Variants in NYAP2 observed in about 807,000 individuals in gnomAD.
NYAP2 encodes neuronal tyrosine-phosphorylated phosphoinositide-3-kinase adaptor 2.
Under a neutral mutation model 50.4 loss-of-function variants are expected in NYAP2, and 23 were observed. That is an observed-to-expected ratio of 0.46 (90% confidence interval 0.33 to 0.65). The LOEUF (loss-of-function observed/expected upper bound fraction) is 0.65, where lower values mean the gene tolerates loss of function less well. Among genes scored for constraint, NYAP2 ranks in the 30% least tolerant of loss-of-function variants. The pLI, the probability that NYAP2 is intolerant of heterozygous loss-of-function variation, is 0.02. For missense variants in NYAP2, 885 were observed against 861.0 expected (o/e 1.03, Z -0.35); for synonymous variants, 394 against 365.2 (o/e 1.08, Z -0.90).
At chr2:225,650,142 G>A (rs1693705728) in intron 6 of NYAP2, among the ~76,000 whole-genome samples, 1 of 152,172 alleles carries the variant, frequency 6.6e-6, no homozygotes, top group Non-Finnish European at 1.5e-5. Flanking sequence ...CTCATTCTGT[G>A]TGTCTGCATG....
intron 3 of NYAP2, among the ~76,000 whole-genome samples, chr2:225,430,667 A>G (rs73099742): frequency 0.012 from 1,769 of 152,352 alleles, 41 homozygotes; most frequent in African/African-American, 0.041. Flanking sequence ...TTATTAATCA[A>G]TACATCAGGG....
At chr2:225,679,966 T>C in the NYAP2 span, among the ~76,000 whole-genome samples, 3 of 152,146 alleles carry the variant, frequency 2.0e-5, no homozygotes, top group South Asian at 2.1e-4. Flanking sequence ...TTGTAATATA[T>C]AGTCATAAAT....
At position 225,471,148 on chromosome 2, in the gene NYAP2, T is replaced by A. The variant is rs150038433; in HGVS notation, c.222-42223T>A. 1.3e-3 allele frequency among the ~76,000 whole-genome samples: 204 copies of A among 152,320 alleles called. 1 individual carries two copies. The highest frequency in any genetic ancestry group is 4.7e-3 in the African/African-American group (195 of 41,578). ...CAGATGCTAGCCACTTTGCAACAAA[T>A]GTCTGCCAGATACCATGTCTGCATT... is the stretch of plus-strand genomic sequence containing the variant. On this transcript the variant is annotated intron_variant, in intron 3 of 6. Transcript: ENST00000636099.
intron 3 of NYAP2, among the ~76,000 whole-genome samples, chr2:225,409,635 C>T (rs1695000028): frequency 6.6e-6 from 1 of 152,060 alleles, no homozygotes; most frequent in African/African-American, 2.4e-5. Flanking sequence ...CCAAGTGCCA[C>T]AAGTTTGTTC....
intron 3 of NYAP2, among the ~76,000 whole-genome samples, chr2:225,444,432 T>C (rs1194792556): frequency 6.6e-6 from 1 of 152,190 alleles, no homozygotes; most frequent in Non-Finnish European, 1.5e-5. Flanking sequence ...AAAAGTTAAA[T>C]CTTCCCATAA....
the NYAP2 span, among the ~76,000 whole-genome samples, chr2:225,682,042 T>C: frequency 9.2e-5 from 14 of 152,202 alleles, no homozygotes; most frequent in African/African-American, 2.9e-4. Context: ...CTAGTCCTTA[T>C]TGTACTTTGA....
chr2:225,620,464 C>T (rs1052085497), intron 5 of NYAP2, among the ~76,000 whole-genome samples: 30 of 149,436 alleles, frequency 2.0e-4, no homozygotes, highest in African/African-American at 7.1e-4. Context: ...CACACACGCG[C>T]ATGCACACGC....
intron 4 of NYAP2, among the ~76,000 whole-genome samples, chr2:225,549,730 T>A (rs1691639643): frequency 6.6e-6 from 1 of 152,030 alleles, no homozygotes. Flanking sequence ...GCCTGTAATC[T>A]CAGCACTTTG....
chr2:225,666,286 G>A, the NYAP2 span, among the ~76,000 whole-genome samples: 2 of 152,120 alleles, frequency 1.3e-5, no homozygotes, highest in Non-Finnish European at 2.9e-5. Flanking sequence ...ACATTTTGCA[G>A]TCATCAACAT....
chr2:225,474,091 G>C (rs954985514), intron 3 of NYAP2, among the ~76,000 whole-genome samples: 115 of 152,158 alleles, frequency 7.6e-4, no homozygotes, highest in Non-Finnish European at 3.4e-4. Flanking sequence ...TCTTGTTTTT[G>C]TCAGGTTTGT....
At chr2:225,520,814 T>G (rs1691039894) in intron 4 of NYAP2, among the ~76,000 whole-genome samples, 1 of 152,160 alleles carries the variant, frequency 6.6e-6, no homozygotes, top group African/African-American at 2.4e-5. Context: ...GTGAAGAAAG[T>G]CATTGGTAGC....
chr2:225,671,979 G>A, the NYAP2 span, among the ~76,000 whole-genome samples: 1 of 151,948 alleles, frequency 6.6e-6, no homozygotes, highest in African/African-American at 2.4e-5. Context: ...CAGATGTACT[G>A]GCATCCACAC....
intron 4 of NYAP2, among the ~76,000 whole-genome samples, chr2:225,530,071 C>G (rs568131094): frequency 1.2e-3 from 184 of 152,124 alleles, no homozygotes; most frequent in African/African-American, 4.4e-3. Context: ...TAATATAAAG[C>G]GTTTGGTACT....
chr2:225,619,468 A>G (rs923150851), intron 5 of NYAP2, among the ~76,000 whole-genome samples: 2 of 152,150 alleles, frequency 1.3e-5, no homozygotes, highest in South Asian at 4.1e-4. Context: ...AATCTTCAGT[A>G]CTCGTTTGTT....
At chr2:225,413,916 A>G (rs1386133414) in intron 3 of NYAP2, among the ~76,000 whole-genome samples, 9 of 152,206 alleles carry the variant, frequency 5.9e-5, no homozygotes. Context: ...TCTGTGAAAT[A>G]TGCCAGTTGC....
At position 225,626,847 on chromosome 2, in the gene NYAP2, A is replaced by G. The variant is rs576312082; in HGVS notation, c.1619-70A>G. ...TGAGACAATTTTAGAAAATCACACT[A>G]ATTTTTTGAAAGTAATTTAGGAAGA... On this transcript the variant is annotated intron_variant, in intron 5 of 6. Transcript: ENST00000636099. The G allele has an allele frequency of 1.9e-5, 22 of 1,182,738 alleles. No homozygotes were observed. In the South Asian group the frequency reaches 2.6e-4, roughly 14 times the overall value. The allele number at this position is 1,182,738 out of a possible 1,614,324, so 73.3% of individuals were successfully genotyped here.
chr2:225,555,663 G>A (rs1159803597), intron 4 of NYAP2, among the ~76,000 whole-genome samples: 2 of 152,174 alleles, frequency 1.3e-5, no homozygotes, highest in African/African-American at 2.4e-5. Flanking sequence ...ACACACAGAA[G>A]GGGGATCACT....
chr2:225,698,080 A>T, the NYAP2 span, among the ~76,000 whole-genome samples: 1 of 151,754 alleles, frequency 6.6e-6, no homozygotes, highest in Admixed American at 6.6e-5. Context: ...GGGGAGACTG[A>T]GGTGGGAGGA....
the NYAP2 span, among the ~76,000 whole-genome samples, chr2:225,662,516 C>A: frequency 6.6e-6 from 1 of 152,236 alleles, no homozygotes; most frequent in Non-Finnish European, 1.5e-5. Flanking sequence ...CAGAATCCTA[C>A]GAACAGACAC....
Sources: allele counts gnomAD v4.1 joint callset (sites outside exome capture counted in the v4.1 genomes callset), GRCh38; gene constraint gnomAD v4.1.1; transcripts MANE v1.5; gene names NCBI Gene and HGNC (gene_info 2026-07-23, HGNC 2026-07-21).